The following CAMK4 variants were observed in gnomAD, a reference collection of about 807,000 sequenced individuals.
CAMK4 encodes calcium/calmodulin-dependent protein kinase type IV.
Under a neutral mutation model 44.9 loss-of-function variants are expected in CAMK4, and 22 were observed. That is an observed-to-expected ratio of 0.49 (90% CI 0.35 to 0.70). CAMK4 has a LOEUF of 0.70. Among genes scored for constraint, CAMK4 ranks in the 30% least tolerant of loss-of-function variants. The probability of loss-of-function intolerance (pLI) is 0.01; values close to 1 mark genes in which losing one functional copy is unlikely to be tolerated. For synonymous variants in CAMK4, 218 were observed against 215.4 expected, an observed-to-expected ratio of 1.01 and a Z score of -0.11; for missense variants, 498 against 586.8, an observed-to-expected ratio of 0.85 and a Z score of 1.56.
At chr5:111,226,207 T>C (rs547096866) in intron 1 of CAMK4, among the ~76,000 whole-genome samples, 2 of 152,318 alleles carry the variant, frequency 1.3e-5, no homozygotes, top group East Asian at 3.9e-4. Context: ...TCCACACACG[T>C]TGTCTTTATG....
chr5:111,425,925 T>C (rs1205044130), intron 5 of CAMK4, among the ~76,000 whole-genome samples: 5 of 152,326 alleles, frequency 3.3e-5, no homozygotes, highest in Middle Eastern at 3.4e-3. Flanking sequence ...TCATTTAACC[T>C]GAATTGGCAA....
chr5:111,469,904 C>A (rs1755002248), intron 7 of CAMK4, among the ~76,000 whole-genome samples: 1 of 152,102 alleles, frequency 6.6e-6, no homozygotes, highest in Non-Finnish European at 1.5e-5. Flanking sequence ...AGGTAAAAAA[C>A]CAAGATCCAG....
chr5:111,420,153 C>T (rs1016400962), intron 5 of CAMK4, among the ~76,000 whole-genome samples: 1 of 150,694 alleles, frequency 6.6e-6, no homozygotes. Flanking sequence ...TGAAGAGGTC[C>T]TTCACATCCC....
At chr5:111,262,134 G>A (rs1438556643) in intron 1 of CAMK4, among the ~76,000 whole-genome samples, 1 of 150,110 alleles carries the variant, frequency 6.7e-6, no homozygotes. Context: ...CCTCATTCTG[G>A]CACTTGATGT....
chr5:111,229,723 G>T (rs1330868494), intron 1 of CAMK4, among the ~76,000 whole-genome samples: 1 of 152,198 alleles, frequency 6.6e-6, no homozygotes, highest in Non-Finnish European at 1.5e-5. Context: ...GCTCTTGGGG[G>T]ATGGTAGGTT....
chr5:111,316,128 C>T (rs1235754974), intron 1 of CAMK4, among the ~76,000 whole-genome samples: 1 of 152,076 alleles, frequency 6.6e-6, no homozygotes, highest in African/African-American at 2.4e-5. Flanking sequence ...AAGGGCTTTC[C>T]AATAATTTCT....
At chr5:111,408,266 C>A (rs138947238) in intron 5 of CAMK4, among the ~76,000 whole-genome samples, 1,793 of 152,150 alleles carry the variant, frequency 0.012, 13 homozygotes, top group Non-Finnish European at 0.018. Context: ...AGATATAGCC[C>A]AGAGTGAGTA....
intron 5 of CAMK4, among the ~76,000 whole-genome samples, chr5:111,428,584 T>C (rs898169587): frequency 5.8e-4 from 88 of 152,188 alleles, no homozygotes; most frequent in Admixed American, 1.8e-3. Flanking sequence ...AAAAATGCAA[T>C]TGGCATGTTG....
At chr5:111,452,888 G>A (rs1754284537) in intron 7 of CAMK4, among the ~76,000 whole-genome samples, 1 of 152,208 alleles carries the variant, frequency 6.6e-6, no homozygotes, top group South Asian at 2.1e-4. Context: ...CAGCAAGGAA[G>A]CTTGGCATGG....
At position 111,424,806 on chromosome 5, in the gene CAMK4, A is replaced by G. The variant is rs553236576; in HGVS notation, c.460-21880A>G. On this transcript the variant is annotated intron_variant, in intron 5 of 10. Transcript: ENST00000282356. Reference sequence around the variant, plus strand: ...GGAATAGTAATAGTTCCACAGGCACAACTCTTCCAGGTGTGATTAGCTGTG... The same window carrying G: ...GGAATAGTAATAGTTCCACAGGCACGACTCTTCCAGGTGTGATTAGCTGTG... Among the ~76,000 whole-genome samples, 8 of 152,146 alleles carry G rather than the reference A, an allele frequency of 5.3e-5. No individual in the cohort carries two copies. In the South Asian group the frequency reaches 1.7e-3, roughly 32 times the overall value.
In CAMK4 at chr5:111,298,738, C is replaced by A. The variant is rs375145823; in HGVS notation, c.162-45286C>A. Among the ~76,000 whole-genome samples, 17 of 152,354 alleles carry A rather than the reference C, an allele frequency of 1.1e-4. No individual in the cohort carries two copies. The East Asian group carries it at 1.9e-3, about 17-fold the overall frequency. On this transcript the variant is annotated intron_variant, in intron 1 of 10. Transcript: ENST00000282356. ...TCTGAATTACACCTGCATGGCGCTCCTCCTGTTAACAGATGAGGTTGATCA... is the reference window on the plus strand; with the variant it reads ...TCTGAATTACACCTGCATGGCGCTCATCCTGTTAACAGATGAGGTTGATCA...
At chr5:111,469,155 AAAAAAAAAAAAAAAAAAATAT>A (rs1417264289) in intron 7 of CAMK4, among the ~76,000 whole-genome samples, 2 of 88,706 alleles carry the variant, frequency 2.3e-5, no homozygotes, top group African/African-American at 1.0e-4. Context: ...AAAAAAAAAA[AAAAAAAAAAAAAAAAAAATAT>A]ATATATATAT....
chr5:111,395,365 A>G (rs539138698), intron 5 of CAMK4, among the ~76,000 whole-genome samples: 69 of 151,870 alleles, frequency 4.5e-4, no homozygotes, highest in African/African-American at 1.5e-3. Context: ...TTTCCATTCT[A>G]TTATTGTGAG....
intron 4 of CAMK4, among the ~76,000 whole-genome samples, chr5:111,378,863 G>C (rs1751310600): frequency 6.6e-6 from 1 of 151,920 alleles, no homozygotes; most frequent in Non-Finnish European, 1.5e-5. Flanking sequence ...ATAAAGCTTA[G>C]ATGGCTCTAA....
chr5:111,442,475 C>T (rs917822917), intron 5 of CAMK4, among the ~76,000 whole-genome samples: 1 of 150,040 alleles, frequency 6.7e-6, no homozygotes, highest in African/African-American at 2.4e-5. Context: ...CCAGCCTGGG[C>T]GACAGACTGC....
chr5:111,440,329 C>T (rs1753781118), intron 5 of CAMK4, among the ~76,000 whole-genome samples: 2 of 152,160 alleles, frequency 1.3e-5, no homozygotes, highest in Non-Finnish European at 2.9e-5. Flanking sequence ...AACAAAGTAA[C>T]AGGACTGGAA....
intron 1 of CAMK4, among the ~76,000 whole-genome samples, chr5:111,291,085 G>A (rs991734886): frequency 2.0e-5 from 3 of 152,068 alleles, no homozygotes; most frequent in African/African-American, 7.2e-5. Context: ...TCATTTTTAT[G>A]TCAAATTATC....
At chr5:111,433,693 CATT>C (rs1479455289) in intron 5 of CAMK4, among the ~76,000 whole-genome samples, 1 of 152,036 alleles carries the variant, frequency 6.6e-6, no homozygotes, top group African/African-American at 2.4e-5. Context: ...TTTAAAAAAT[CATT>C]ATTAAGTACA....
At chr5:111,428,680 CACAGAGAAG>C (rs1227499710) in intron 5 of CAMK4, among the ~76,000 whole-genome samples, 2 of 151,986 alleles carry the variant, frequency 1.3e-5, no homozygotes, top group African/African-American at 4.8e-5. Flanking sequence ...ATTGAAAATA[CACAGAGAAG>C]ACAAAAGAAT....
Sources: allele counts gnomAD v4.1 joint callset (sites outside exome capture counted in the v4.1 genomes callset), GRCh38; gene constraint gnomAD v4.1.1; transcripts MANE v1.5; gene names NCBI Gene and HGNC (gene_info 2026-07-23, HGNC 2026-07-21).